The following PLCG2 variants were observed in gnomAD, a reference collection of about 807,000 sequenced individuals.
The protein encoded by PLCG2 is 1-phosphatidylinositol 4,5-bisphosphate phosphodiesterase gamma-2.
Under a neutral mutation model 175.6 loss-of-function variants are expected in PLCG2, and 69 were observed. That is an observed-to-expected ratio of 0.39 (90% CI 0.32 to 0.48). PLCG2 has a LOEUF of 0.48. Among genes scored for constraint, PLCG2 ranks in the 20% least tolerant of loss-of-function variants. The pLI, the probability that PLCG2 is intolerant of heterozygous loss-of-function variation, is 0.91. For missense variants in PLCG2, 1,798 were observed against 1,650.9 expected (o/e 1.09, Z -1.54); for synonymous variants, 827 against 624.0 (o/e 1.33, Z -4.85).
At chr16:81,799,447 C>A (rs1225773412) in intron 2 of PLCG2, among the ~76,000 whole-genome samples, 4 of 152,112 alleles carry the variant, frequency 2.6e-5, no homozygotes, top group Admixed American at 2.6e-4. Context: ...TTTTTTGAGG[C>A]AGGGTCTTGC....
chr16:81,792,507 AAAAAG>A lies in PLCG2; in HGVS notation c.193+6327_193+6331del, dbSNP rs1198318010. ...AAAAAAAAAAAAAAAAAAAAAAAAA[AAAAAG>A]ACAAAACAAAACAAAAACAAGCAAA... On this transcript the variant is annotated intron_variant, in intron 2 of 32. Coordinates refer to ENST00000564138, the MANE Select transcript of PLCG2 (RefSeq NM_002661.5). 8.4e-3 allele frequency among the ~76,000 whole-genome samples: 1,169 copies of A among 139,834 alleles called. 22 individuals carry two copies. The highest frequency in any genetic ancestry group is 0.029 in the African/African-American group (1,102 of 38,618). 91.7% of individuals were successfully genotyped at this position (139,834 alleles called of 152,430 possible). A position where few individuals can be genotyped will look rare whatever the true frequency, so the allele number is the denominator to read the frequency against.
At chr16:81,903,161 G>A (rs1455006223) in intron 14 of PLCG2, among the ~76,000 whole-genome samples, 1 of 152,212 alleles carries the variant, frequency 6.6e-6, no homozygotes, top group Non-Finnish European at 1.5e-5. Flanking sequence ...GACCATAGCA[G>A]TAGGCAGAGA....
intron 9 of PLCG2, among the ~76,000 whole-genome samples, chr16:81,885,171 C>T (rs1001507864): frequency 1.3e-5 from 2 of 151,962 alleles, no homozygotes; most frequent in Non-Finnish European, 2.9e-5. Context: ...GGATTGCAGG[C>T]GTCTGCCACA....
chr16:81,930,569 C>T (rs552535809), intron 24 of PLCG2, among the ~76,000 whole-genome samples: 2 of 151,858 alleles, frequency 1.3e-5, no homozygotes, highest in East Asian at 1.9e-4. Context: ...GGCAACATGG[C>T]GAAACCCCTC....
chr16:81,938,353 A>G (rs1483557602), intron 28 of PLCG2: 1 of 185,890 alleles, frequency 5.4e-6, no homozygotes, highest in Non-Finnish European at 1.1e-5. Context: ...AATGAATTGC[A>G]TTTCTCCTAA....
upstream of PLCG2, among the ~76,000 whole-genome samples, chr16:81,776,203 G>A (rs1314766594): frequency 6.6e-6 from 1 of 150,490 alleles, no homozygotes; most frequent in East Asian, 1.9e-4. Context: ...CCACCTCCTG[G>A]GTTCAGGCCA....
intron 2 of PLCG2, among the ~76,000 whole-genome samples, chr16:81,798,173 G>T (rs1157474902): frequency 6.6e-6 from 1 of 152,130 alleles, no homozygotes; most frequent in Admixed American, 6.5e-5. Flanking sequence ...TAATAGTGGA[G>T]CTTACCCCAT....
intron 31 of PLCG2, among the ~76,000 whole-genome samples, chr16:81,956,119 G>C (rs1469500771): frequency 6.6e-6 from 1 of 152,182 alleles, no homozygotes; most frequent in Non-Finnish European, 1.5e-5. Flanking sequence ...GATTTTGCTA[G>C]TTCTGGACAC....
chr16:81,931,328 T>C lies in PLCG2; in HGVS notation c.2582-169T>C, dbSNP rs578019978. 5.4e-6 allele frequency: 3 copies of C among 559,150 alleles called. No individual in the cohort carries two copies. In the South Asian group the frequency reaches 8.1e-5, roughly 15 times the overall value. The allele number at this position is 559,150 out of a possible 1,614,324, so 34.6% of individuals were successfully genotyped here. A position where few individuals can be genotyped will look rare whatever the true frequency, so the allele number is the denominator to read the frequency against. ...ATCTACTGCATCCCTTGAGTAGTCATCTGTGATGTGTACTTACCCCGATGG... is the reference window on the plus strand; with the variant it reads ...ATCTACTGCATCCCTTGAGTAGTCACCTGTGATGTGTACTTACCCCGATGG... On this transcript the variant is annotated intron_variant, in intron 24 of 32. Coordinates refer to ENST00000564138, the MANE Select transcript of PLCG2 (RefSeq NM_002661.5).
intron 22 of PLCG2, 84 bp downstream of exon 22, chr16:81,923,678 T>G: frequency 1.3e-6 from 1 of 782,780 alleles, no homozygotes; most frequent in Non-Finnish European, 2.1e-6. Flanking sequence ...GCTGGCCAAG[T>G]CTGACCCCCT....
rs1907396166 is a variant in PLCG2 at position 81,869,254 on chromosome 16, A to C, written c.520A>C (p.Asn174His). 14 of 1,613,994 alleles carry C rather than the reference A, an allele frequency of 8.7e-6. No homozygotes were observed. The highest frequency in any genetic ancestry group is 1.2e-5 in the Non-Finnish European group (14 of 1,179,848). ...RELKTILPLINFKVSSAKFLK... is the reference protein window; with the variant it reads ...RELKTILPLIHFKVSSAKFLK... Reference sequence around the variant, plus strand: ...GTTGAAGACCATCTTGCCCCTGATCAACTTTAAAGTGAGCAGTGCCAAGTT... The same window carrying C: ...GTTGAAGACCATCTTGCCCCTGATCCACTTTAAAGTGAGCAGTGCCAAGTT... Residue 174 changes from asparagine to histidine, a missense_variant, in exon 6 of 33, where the codon AAC (asparagine) becomes CAC (histidine). Coordinates refer to ENST00000564138, the MANE Select transcript of PLCG2 (RefSeq NM_002661.5).
intron 1 of PLCG2, among the ~76,000 whole-genome samples, chr16:81,781,047 A>AAACG (rs1910708189): frequency 1.3e-5 from 2 of 151,754 alleles, no homozygotes; most frequent in South Asian, 4.2e-4. Context: ...ACAAACAAAC[A>AAACG]AACACACACA....
At position 81,938,072 on chromosome 16, in the gene PLCG2, G is replaced by A. The variant is rs4369659; in HGVS notation, c.3198+169G>A. ...ATCTTTCTTTCTTACAGTACACTCC[G>A]GGGTCGTTCTGGGAGAAGAGGGAAG... On this transcript the variant is annotated intron_variant, in intron 28 of 32. Coordinates refer to ENST00000564138, the MANE Select transcript of PLCG2 (RefSeq NM_002661.5). Among the ~76,000 whole-genome samples, 78,133 of 151,900 alleles carry A rather than the reference G, an allele frequency of 0.51. 21,966 individuals are homozygous for A. The highest frequency in any genetic ancestry group is 0.76 in the African/African-American group (31,424 of 41,442).
intron 2 of PLCG2, among the ~76,000 whole-genome samples, chr16:81,815,987 G>A (rs1198727028): frequency 3.3e-5 from 5 of 152,038 alleles, no homozygotes; most frequent in East Asian, 3.9e-4. Flanking sequence ...GCTTGAACCC[G>A]GGAGGTGGAG....
chr16:81,948,974 C>G (rs755343309), intron 31 of PLCG2, among the ~76,000 whole-genome samples: 2 of 152,104 alleles, frequency 1.3e-5, no homozygotes, highest in Non-Finnish European at 2.9e-5. Flanking sequence ...CAAAGACATC[C>G]AAGGAGAGCA....
rs1272100050 is a variant in PLCG2, at chr16:81,893,770, C to T, written c.1048C>T (p.Arg350Cys). The part of the protein sequence containing the change: ...SSPEAYIRCL[R>C]MGCRCIELDC... ...CCCAGAAGCTTACATCCGCTGCCTGCGCATGGGCTGTCGCTGCATTGAACG... is the reference window on the plus strand; with the variant it reads ...CCCAGAAGCTTACATCCGCTGCCTGTGCATGGGCTGTCGCTGCATTGAACG... Residue 350 changes from arginine (R) to cysteine (C), a missense_variant, in exon 12 of 33, where the codon CGC (arginine) becomes TGC (cysteine). Arg to Cys is a radical substitution (Grantham distance 180, BLOSUM62 -3). Transcript: ENST00000564138. 2 of 1,611,730 alleles carry T rather than the reference C, an allele frequency of 1.2e-6. No individual in the cohort carries two copies. Among genetic ancestry groups the T allele is most frequent in the East Asian group, 2.2e-5 (1 of 44,874 alleles).
In PLCG2 at chr16:81,910,619, TG is replaced by T; in HGVS notation, c.1834del (p.Ala612ProfsTer40). On this transcript the variant is annotated frameshift_variant, in exon 18 of 33. Transcript: ENST00000564138. LOFTEE classifies it high-confidence loss of function. ...TDNLTFSSIY[A>X]LIQHYRETHL... Reference sequence around the variant, plus strand: ...ACAACCTCACCTTCAGCAGCATCTATGCCCTCATCCAGCACTACCGCGAGAC... The same window carrying T: ...ACAACCTCACCTTCAGCAGCATCTATCCCTCATCCAGCACTACCGCGAGAC... The T allele has an allele frequency of 6.2e-7, 1 of 1,614,108 alleles. No individual in the cohort carries two copies. The highest frequency in any genetic ancestry group is 8.5e-7 in the Non-Finnish European group (1 of 1,179,996).
intron 30 of PLCG2, among the ~76,000 whole-genome samples, chr16:81,945,718 A>T (rs1353121960): frequency 6.6e-6 from 1 of 152,202 alleles, no homozygotes; most frequent in Non-Finnish European, 1.5e-5. Flanking sequence ...ATGAACTACT[A>T]AGGGACAGAA....
At chr16:81,837,712 G>A (rs1451643759) in intron 2 of PLCG2, among the ~76,000 whole-genome samples, 1 of 123,250 alleles carries the variant, frequency 8.1e-6, no homozygotes, top group Non-Finnish European at 1.7e-5. Flanking sequence ...TCTCCTTGAT[G>A]CTGTGCATTT....
Sources: allele counts gnomAD v4.1 joint callset (sites outside exome capture counted in the v4.1 genomes callset), GRCh38; gene constraint gnomAD v4.1.1; transcripts MANE v1.5; gene names NCBI Gene and HGNC (gene_info 2026-07-23, HGNC 2026-07-21).